The following ZFHX3 variants were observed in gnomAD, a reference collection of about 807,000 sequenced individuals.
ZFHX3 encodes zinc finger homeobox protein 3.
A neutral mutation model predicts 279.1 loss-of-function variants in ZFHX3; 42 were observed. That is an observed-to-expected ratio of 0.15 (90% CI 0.12 to 0.19). The LOEUF is 0.19. ZFHX3 is among the 10% of genes least tolerant of loss of function. The probability of loss-of-function intolerance (pLI) is 1.00; values close to 1 mark genes in which losing one functional copy is unlikely to be tolerated. For missense variants in ZFHX3, 4,981 were observed against 4,754.0 expected, an observed-to-expected ratio of 1.05 and a Z score of -1.40; for synonymous variants, 2,293 against 1,957.8, an observed-to-expected ratio of 1.17 and a Z score of -4.52.
chr16:73,299,641 A>G (rs2143127261), intron 4 of ZFHX3, among the ~76,000 whole-genome samples: 1 of 152,340 alleles, frequency 6.6e-6, no homozygotes, highest in Non-Finnish European at 1.5e-5. Flanking sequence ...AAAACCAAGA[A>G]CGTGCCCCAG....
chr16:72,971,507 C>T (rs1006541510), intron 1 of ZFHX3, among the ~76,000 whole-genome samples: 1 of 152,188 alleles, frequency 6.6e-6, no homozygotes, highest in South Asian at 2.1e-4. Flanking sequence ...TTTAGTCGGC[C>T]TTTGAAAGTA....
chr16:73,770,941 C>T (rs1013662943), intron 1 of ZFHX3, among the ~76,000 whole-genome samples: 3 of 152,158 alleles, frequency 2.0e-5, no homozygotes, highest in Non-Finnish European at 2.9e-5. Flanking sequence ...CAAGGTAAGA[C>T]ATTGTCATGA....
intron 3 of ZFHX3, among the ~76,000 whole-genome samples, chr16:73,330,844 G>A (rs1046510377): frequency 6.6e-6 from 1 of 152,176 alleles, no homozygotes; most frequent in Non-Finnish European, 1.5e-5. Context: ...TTTCTGAAAG[G>A]AAGAGTAACA....
intron 5 of ZFHX3, among the ~76,000 whole-genome samples, chr16:73,174,124 T>C (rs1205210614): frequency 6.6e-6 from 1 of 151,878 alleles, no homozygotes; most frequent in Non-Finnish European, 1.5e-5. Flanking sequence ...GCGAGCCACC[T>C]TTTTTTCCTT....
At chr16:73,767,069 G>C (rs142192792) in intron 1 of ZFHX3, among the ~76,000 whole-genome samples, 2 of 151,882 alleles carry the variant, frequency 1.3e-5, no homozygotes, top group African/African-American at 4.8e-5. Context: ...CTGAGTAGCT[G>C]GGATTACAGG....
Position 72,959,930 on chromosome 16 carries a change from G to T in ZFHX3, c.216C>A (p.Ser72=), listed in dbSNP as rs202140641. 6.2e-7 allele frequency: 1 copy of T among 1,600,646 alleles called. No individual in the cohort carries two copies. The highest frequency in any genetic ancestry group is 8.5e-7 in the Non-Finnish European group (1 of 1,172,874). ...AESTASAGPP[S]EPASKEVTCN... ...AGGTGACCTCCTTGCTGGCGGGCTCGGAGGGGGGCCCGGCCGACGCGGTGC... is the reference window on the plus strand; with the variant it reads ...AGGTGACCTCCTTGCTGGCGGGCTCTGAGGGGGGCCCGGCCGACGCGGTGC... Residue 72 remains serine (S), a synonymous_variant, in exon 2 of 10, where the codon TCC becomes TCA. Coordinates refer to ENST00000268489, the MANE Select transcript of ZFHX3 (RefSeq NM_006885.4).
At chr16:73,119,235 C>G (rs908216879) in intron 7 of ZFHX3, among the ~76,000 whole-genome samples, 42 of 152,236 alleles carry the variant, frequency 2.8e-4, no homozygotes, top group African/African-American at 9.4e-4. Flanking sequence ...TCCTGAGTAG[C>G]TGGGACCATA....
intron 5 of ZFHX3, among the ~76,000 whole-genome samples, chr16:73,187,660 C>A (rs1967943521): frequency 6.6e-6 from 1 of 152,142 alleles, no homozygotes. Context: ...TCCTCTAGAC[C>A]AGAAATGGAG....
At chr16:73,143,748 T>C in intron 6 of ZFHX3, 2 of 1,305,258 alleles carry the variant, frequency 1.5e-6, no homozygotes, top group South Asian at 2.5e-5. Flanking sequence ...AAGCTGGAAC[T>C]CACCTCTCTA....
intron 2 of ZFHX3, among the ~76,000 whole-genome samples, chr16:73,522,882 C>A (rs115794142): frequency 0.011 from 1,748 of 152,242 alleles, 37 homozygotes; most frequent in African/African-American, 0.041. Context: ...GTGGTGGCAG[C>A]AAGGAGAAGA....
Position 73,751,847 on chromosome 16 carries a change from A to G in ZFHX3, c.-1607-71607T>C, listed in dbSNP as rs1175702180. ...AGAGATGCCTGTTGACTGCATTCCT[A>G]TAGTCACTACCTGATAATTTACAGC... On this transcript the variant is annotated intron_variant, in intron 1 of 17. Transcript: ENST00000641206. Among the ~76,000 whole-genome samples, 5 of 152,244 alleles carry G rather than the reference A, an allele frequency of 3.3e-5. No homozygotes were observed. The East Asian group carries it at 5.8e-4, about 18-fold the overall frequency.
chr16:72,827,788 G>A (rs2036969861), intron 5 of ZFHX3, among the ~76,000 whole-genome samples: 1 of 152,124 alleles, frequency 6.6e-6, no homozygotes, highest in Non-Finnish European at 1.5e-5. Context: ...ATTGTTTTCT[G>A]GAGTTTAGGC....
intron 3 of ZFHX3, among the ~76,000 whole-genome samples, chr16:73,355,718 T>A (rs926929193): frequency 6.6e-6 from 1 of 152,210 alleles, no homozygotes; most frequent in Non-Finnish European, 1.5e-5. Flanking sequence ...CTGCTTAATA[T>A]CTGCGTGACC....
chr16:73,396,505 G>A (rs1322102039), intron 3 of ZFHX3, among the ~76,000 whole-genome samples: 1 of 152,086 alleles, frequency 6.6e-6, no homozygotes, highest in Non-Finnish European at 1.5e-5. Context: ...GCCTGAGACT[G>A]GGTAATTTAT....
chr16:73,057,786 G>C lies in ZFHX3; in HGVS notation c.-24+744C>G, dbSNP rs558819908. Among the ~76,000 whole-genome samples the C allele has an allele frequency of 2.8e-4, 43 of 151,108 alleles. No individual in the cohort carries two copies. In the South Asian group the frequency reaches 8.3e-3, roughly 29 times the overall value. On this transcript the variant is annotated intron_variant, in intron 1 of 8. Coordinates refer to the ZFHX3 transcript ENST00000397992. ...ATCGCGCGGCCGCCTCGCCCCCTCC[G>C]GGACCCCGTGGCTCCGAACGGGCTC...
intron 7 of ZFHX3, among the ~76,000 whole-genome samples, chr16:73,128,940 A>T (rs547169348): frequency 6.6e-6 from 1 of 152,180 alleles, no homozygotes; most frequent in Non-Finnish European, 1.5e-5. Context: ...TGTTTTATCA[A>T]TTGAACCCCA....
intron 5 of ZFHX3, among the ~76,000 whole-genome samples, chr16:73,217,818 T>C (rs938841684): frequency 5.9e-5 from 9 of 152,070 alleles, no homozygotes; most frequent in Non-Finnish European, 8.8e-5. Context: ...CCAGGACATT[T>C]TGGGGCTCCA....
At chr16:73,836,252 G>C (rs1961142159) in intron 1 of ZFHX3, among the ~76,000 whole-genome samples, 1 of 152,136 alleles carries the variant, frequency 6.6e-6, no homozygotes, top group African/African-American at 2.4e-5. Flanking sequence ...TTATTTGATT[G>C]CATGTGTTTG....
In ZFHX3 at chr16:72,797,342, G is replaced by A. The variant is rs1444951031; in HGVS notation, c.5340C>T (p.Phe1780=). The part of the protein sequence containing the change: ...QLFNPTLLPH[F]PMTTETLLQL... Reference sequence around the variant, plus strand: ...GCAGCAGGGTCTCAGTTGTCATGGGGAAGTGAGGAAGGAGGGTGGGGTTAA... The same window carrying A: ...GCAGCAGGGTCTCAGTTGTCATGGGAAAGTGAGGAAGGAGGGTGGGGTTAA... The change falls in exon 9 of 10, where the codon TTC becomes TTT. Residue 1780 remains phenylalanine (F), a synonymous_variant. Transcript: ENST00000268489. The A allele has an allele frequency of 6.2e-7, 1 of 1,600,852 alleles. No individual in the cohort carries two copies. Among genetic ancestry groups the A allele is most frequent in the Non-Finnish European group, 8.5e-7 (1 of 1,173,168 alleles).
Sources: gnomAD v4.1 joint callset for allele counts (sites outside exome capture counted in the v4.1 genomes callset) on GRCh38, gnomAD v4.1.1 for gene constraint, MANE v1.5 for transcripts, NCBI Gene and HGNC (gene_info 2026-07-23, HGNC 2026-07-21) for gene names.